Variants in SLC39A11 observed in about 807,000 individuals in gnomAD.
SLC39A11 encodes the protein zinc transporter ZIP11.
In SLC39A11, 33 loss-of-function variants were observed where a neutral mutation model predicts 36.1. That is an observed-to-expected ratio of 0.91 (90% CI 0.69 to 1.22). The LOEUF is 1.22. SLC39A11 is among the 50% of genes most tolerant of loss of function. SLC39A11 has a pLI of 0.00. For synonymous variants in SLC39A11, 166 were observed against 170.3 expected, an observed-to-expected ratio of 0.97 and a Z score of 0.20; for missense variants, 432 against 430.3, an observed-to-expected ratio of 1.00 and a Z score of -0.03.
intron 6 of SLC39A11, among the ~76,000 whole-genome samples, chr17:72,814,954 C>G (rs2077536925): frequency 6.6e-6 from 1 of 152,206 alleles, no homozygotes; most frequent in Non-Finnish European, 1.5e-5. Context: ...CAATCCTTCA[C>G]TTCTTTCTTC....
Position 72,957,015 on chromosome 17 carries a change from C to G in SLC39A11, c.307-9140G>C, listed in dbSNP as rs148964735. Among the ~76,000 whole-genome samples, 202 of 152,074 alleles carry G rather than the reference C, an allele frequency of 1.3e-3. 2 individuals carry two copies. Among genetic ancestry groups the G allele is most frequent in the African/African-American group, 4.6e-3 (191 of 41,484 alleles). ...GGATGGTCTAAGATGGCACATGCAC[C>G]TGGCAGCCAGCAGGCAGTTGGCCAG... is the stretch of plus-strand genomic sequence containing the variant. On this transcript the variant is annotated intron_variant, in intron 4 of 9. Coordinates refer to ENST00000255559, the MANE Select transcript of SLC39A11 (RefSeq NM_139177.4).
intron 5 of SLC39A11, among the ~76,000 whole-genome samples, chr17:72,893,401 A>T (rs966788029): frequency 2.6e-5 from 4 of 152,206 alleles, no homozygotes; most frequent in Non-Finnish European, 5.9e-5. Flanking sequence ...TGGAGGTTGC[A>T]GTGACCCAGG....
intron 2 of SLC39A11, among the ~76,000 whole-genome samples, chr17:73,085,691 A>G (rs886186243): frequency 1.5e-4 from 22 of 151,082 alleles, no homozygotes; most frequent in African/African-American, 5.3e-4. Flanking sequence ...GCAAACGGGT[A>G]CCACCATTTT....
At chr17:72,874,686 A>G (rs1010521996) in intron 5 of SLC39A11, among the ~76,000 whole-genome samples, 1 of 152,228 alleles carries the variant, frequency 6.6e-6, no homozygotes, top group Non-Finnish European at 1.5e-5. Flanking sequence ...CTGAGAGGAA[A>G]GAGCGAGCCC....
rs2090145868 is a variant in SLC39A11 at position 73,005,829 on chromosome 17, T to C, written c.306+25727A>G. ...AGCCAGGTGTGGTGGCGCAGGTCTG[T>C]AGTCCCAGCTACTCGGGAGTCTAAG... is the stretch of plus-strand genomic sequence containing the variant. On this transcript the variant is annotated intron_variant, in intron 4 of 9. Coordinates refer to ENST00000255559, the MANE Select transcript of SLC39A11 (RefSeq NM_139177.4). Among the ~76,000 whole-genome samples, 4 of 152,268 alleles carry C rather than the reference T, an allele frequency of 2.6e-5. No individual in the cohort carries two copies. The South Asian group carries it at 8.3e-4, about 32-fold the overall frequency.
chr17:72,749,305 T>C lies in SLC39A11; in HGVS notation c.602-12586A>G, dbSNP rs575115565. ...GCTTGCAACCCGGTAGCAAAGTTCC[T>C]TGACTCTGAAGTCAGAGCCTCATCA... On this transcript the variant is annotated intron_variant, in intron 6 of 9. Transcript: ENST00000255559. Among the ~76,000 whole-genome samples, 37 of 152,318 alleles carry C rather than the reference T, an allele frequency of 2.4e-4. No homozygotes were observed. The South Asian group carries it at 7.5e-3, about 31-fold the overall frequency.
chr17:72,670,629 T>C (rs981090489), intron 7 of SLC39A11, among the ~76,000 whole-genome samples: 1 of 152,264 alleles, frequency 6.6e-6, no homozygotes, highest in African/African-American at 2.4e-5. Flanking sequence ...CGATGGATCA[T>C]AATCCACTAC....
intron 5 of SLC39A11, among the ~76,000 whole-genome samples, chr17:72,852,078 G>A (rs2079359455): frequency 6.6e-6 from 1 of 151,386 alleles, no homozygotes; most frequent in African/African-American, 2.4e-5. Context: ...GCAGGCGCCT[G>A]TAGTCCCAGC....
intron 7 of SLC39A11, among the ~76,000 whole-genome samples, chr17:72,668,102 A>G (rs922340804): frequency 9.2e-5 from 14 of 152,116 alleles, no homozygotes; most frequent in African/African-American, 3.1e-4. Flanking sequence ...TGTATTGCCA[A>G]TTTTCCTCTG....
At chr17:72,859,052 G>A (rs970491067) in intron 5 of SLC39A11, among the ~76,000 whole-genome samples, 3 of 152,236 alleles carry the variant, frequency 2.0e-5, no homozygotes, top group Non-Finnish European at 4.4e-5. Context: ...AGTGGTGACA[G>A]AGGGCAGCCT....
At chr17:72,782,004 C>A (rs754401052) in intron 6 of SLC39A11, among the ~76,000 whole-genome samples, 1 of 152,086 alleles carries the variant, frequency 6.6e-6, no homozygotes, top group Non-Finnish European at 1.5e-5. Context: ...ATATTCAAGT[C>A]CCAATCCCCT....
At chr17:72,867,759 C>T (rs979347873) in intron 5 of SLC39A11, among the ~76,000 whole-genome samples, 27 of 97,586 alleles carry the variant, frequency 2.8e-4, no homozygotes, top group East Asian at 1.7e-3. Flanking sequence ...GAAGTGCGCG[C>T]GCACACACAC....
chr17:72,666,990 A>G (rs1356293913), intron 7 of SLC39A11, among the ~76,000 whole-genome samples: 2 of 152,228 alleles, frequency 1.3e-5, no homozygotes. Flanking sequence ...TTGCACCTTC[A>G]GAGCTGATAA....
intron 5 of SLC39A11, among the ~76,000 whole-genome samples, chr17:72,855,846 A>G (rs9907051): frequency 0.91 from 138,290 of 151,566 alleles, 63,391 homozygotes; most frequent in East Asian, 1. Flanking sequence ...GCAGTGAGCC[A>G]AGATGGCGCC....
chr17:72,749,433 T>C (rs528138599), intron 6 of SLC39A11, among the ~76,000 whole-genome samples: 6 of 152,348 alleles, frequency 3.9e-5, no homozygotes, highest in South Asian at 2.1e-4. Context: ...GACAGGCTTA[T>C]GTTCTGGGGA....
intron 6 of SLC39A11, among the ~76,000 whole-genome samples, chr17:72,788,501 G>A (rs2076591980): frequency 6.6e-6 from 1 of 152,206 alleles, no homozygotes. Context: ...GCAGTCCCAG[G>A]CTGTACTTTC....
In SLC39A11 at chr17:72,679,760, T is replaced by C. The variant is rs1451437546; in HGVS notation, c.672-30492A>G. On this transcript the variant is annotated intron_variant, in intron 7 of 9. Coordinates refer to ENST00000255559, the MANE Select transcript of SLC39A11 (RefSeq NM_139177.4). Reference sequence around the variant, plus strand: ...GATTTGTTAAAGAATTGTGGTAAAATTGGCTGGGCACGGTGGCTCACGCCT... The same window carrying C: ...GATTTGTTAAAGAATTGTGGTAAAACTGGCTGGGCACGGTGGCTCACGCCT... Among the ~76,000 whole-genome samples, 7 of 152,196 alleles carry C rather than the reference T, an allele frequency of 4.6e-5. No homozygotes were observed. The East Asian group carries it at 1.2e-3, about 25-fold the overall frequency.
At chr17:72,786,060 A>T (rs1315254239) in intron 6 of SLC39A11, among the ~76,000 whole-genome samples, 1 of 152,182 alleles carries the variant, frequency 6.6e-6, no homozygotes, top group Non-Finnish European at 1.5e-5. Flanking sequence ...ATTATCAGAA[A>T]CCGACAGGGA....
At chr17:72,729,430 TATATATATATATATATATATATATATA>T (rs1234716075) in intron 7 of SLC39A11, among the ~76,000 whole-genome samples, 266 of 3,158 alleles carry the variant, frequency 0.084, 3 homozygotes, top group African/African-American at 0.17. Context: ...TATATATATA[TATATATATATATATATATATATATATA>T]TTTTTTTTTT....
Sources: gnomAD v4.1 joint callset for allele counts (sites outside exome capture counted in the v4.1 genomes callset) on GRCh38, gnomAD v4.1.1 for gene constraint, MANE v1.5 for transcripts, NCBI Gene and HGNC (gene_info 2026-07-23, HGNC 2026-07-21) for gene names.